The following CHCHD3 variants were observed in gnomAD, a reference collection of about 807,000 sequenced individuals.
CHCHD3 encodes the protein MICOS complex subunit MIC19.
A neutral mutation model predicts 38.2 loss-of-function variants in CHCHD3; 20 were observed. The ratio of observed to expected loss-of-function variants is 0.52; its 90% CI spans 0.37 to 0.76. The LOEUF (loss-of-function observed/expected upper bound fraction) is 0.76. Among genes scored for constraint, CHCHD3 ranks in the 30% least tolerant of loss-of-function variants. The pLI, the probability that CHCHD3 is intolerant of heterozygous loss-of-function variation, is 0.00. For synonymous variants in CHCHD3, 82 were observed against 100.0 expected, an observed-to-expected ratio of 0.82 and a Z score of 1.07; for missense variants, 245 against 279.2, an observed-to-expected ratio of 0.88 and a Z score of 0.87.
rs567202625 is a variant in CHCHD3 at position 133,065,975 on chromosome 7, T to C, written c.169+4167A>G. Among the ~76,000 whole-genome samples the C allele has an allele frequency of 6.5e-4, 99 of 152,264 alleles. 1 individual carries two copies. The South Asian group carries it at 0.02, about 31-fold the overall frequency. ...GCCTTGTTGAGTCTTTTTCACATCA[T>C]GGTGCAGATAGAAAATAAAAAGCAC... On this transcript the variant is annotated intron_variant, in intron 2 of 7. Transcript: ENST00000262570.
intron 4 of CHCHD3, among the ~76,000 whole-genome samples, chr7:132,888,078 A>C (rs1585606669): frequency 6.6e-6 from 1 of 151,840 alleles, no homozygotes; most frequent in African/African-American, 2.4e-5. Flanking sequence ...TATACCACTT[A>C]AAAAAGAAAA....
At chr7:132,882,201 T>C (rs1809076779) in intron 5 of CHCHD3, among the ~76,000 whole-genome samples, 1 of 151,918 alleles carries the variant, frequency 6.6e-6, no homozygotes. Context: ...GAACAGAGTA[T>C]ATCCCCATTT....
At chr7:133,016,868 C>T (rs1813046735) in intron 3 of CHCHD3, among the ~76,000 whole-genome samples, 2 of 152,188 alleles carry the variant, frequency 1.3e-5, no homozygotes. Context: ...AGGGCTAGGT[C>T]CAGCCTATGT....
chr7:132,897,098 T>C (rs1431087888), intron 4 of CHCHD3, among the ~76,000 whole-genome samples: 1 of 152,222 alleles, frequency 6.6e-6, no homozygotes. Context: ...TTGAGTTACA[T>C]AACTTAAGGT....
chr7:132,860,919 C>T (rs1023979495), intron 5 of CHCHD3, among the ~76,000 whole-genome samples: 4 of 152,156 alleles, frequency 2.6e-5, no homozygotes, highest in East Asian at 1.9e-4. Context: ...CCACCACTCC[C>T]GGCCCAGACT....
chr7:132,970,410 G>A (rs901673322), intron 4 of CHCHD3, among the ~76,000 whole-genome samples: 2 of 152,132 alleles, frequency 1.3e-5, no homozygotes, highest in Non-Finnish European at 2.9e-5. Flanking sequence ...TGTTTGCTCA[G>A]CACTGGCATA....
chr7:133,022,920 A>C (rs1813233346), intron 3 of CHCHD3, among the ~76,000 whole-genome samples: 1 of 128,142 alleles, frequency 7.8e-6, no homozygotes, highest in African/African-American at 2.9e-5. Context: ...AGAGAAGGGA[A>C]GACCAAAAAA....
intron 3 of CHCHD3, among the ~76,000 whole-genome samples, chr7:133,023,947 T>C (rs1477172114): frequency 2.0e-5 from 3 of 152,188 alleles, no homozygotes; most frequent in Admixed American, 6.5e-5. Context: ...CTTTTAGCTG[T>C]TGTTAGTAGT....
At chr7:132,899,390 G>C (rs906558882) in intron 4 of CHCHD3, among the ~76,000 whole-genome samples, 3 of 152,186 alleles carry the variant, frequency 2.0e-5, no homozygotes, top group South Asian at 4.1e-4. Flanking sequence ...GCAGCAGCTC[G>C]ATGCTGTCAG....
intron 3 of CHCHD3, among the ~76,000 whole-genome samples, chr7:133,016,657 G>T (rs1459250993): frequency 6.6e-6 from 1 of 152,156 alleles, no homozygotes; most frequent in Non-Finnish European, 1.5e-5. Context: ...CAACTGTGTT[G>T]CCCACATTCC....
At chr7:132,791,670 T>C (rs1241672519) in intron 7 of CHCHD3, among the ~76,000 whole-genome samples, 1 of 152,174 alleles carries the variant, frequency 6.6e-6, no homozygotes, top group African/African-American at 2.4e-5. Context: ...GGAGATGAAA[T>C]TGTCCTTCAG....
chr7:133,002,395 C>T (rs1379866622), intron 3 of CHCHD3, among the ~76,000 whole-genome samples: 2 of 152,102 alleles, frequency 1.3e-5, no homozygotes, highest in Admixed American at 6.6e-5. Flanking sequence ...GCATTCAAAT[C>T]AGATCTCTCC....
intron 5 of CHCHD3, among the ~76,000 whole-genome samples, chr7:132,870,733 T>A (rs1808748245): frequency 6.6e-6 from 1 of 152,140 alleles, no homozygotes; most frequent in Non-Finnish European, 1.5e-5. Context: ...CACAAATCAA[T>A]TGCAGGAACC....
At chr7:132,900,609 C>T (rs946378628) in intron 4 of CHCHD3, among the ~76,000 whole-genome samples, 7 of 152,134 alleles carry the variant, frequency 4.6e-5, no homozygotes, top group Non-Finnish European at 8.8e-5. Flanking sequence ...GTGCTGGACT[C>T]AAAAGAATAA....
intron 2 of CHCHD3, among the ~76,000 whole-genome samples, chr7:133,068,571 G>A (rs568371575): frequency 4.3e-4 from 66 of 152,342 alleles, no homozygotes; most frequent in Non-Finnish European, 6.8e-4. Flanking sequence ...AAAAGATTGT[G>A]AGGACTTCTG....
At chr7:132,997,688 A>AAAAAAAAAAAAAC (rs1554399142) in intron 3 of CHCHD3, among the ~76,000 whole-genome samples, 1 of 147,622 alleles carries the variant, frequency 6.8e-6, no homozygotes, top group Non-Finnish European at 1.5e-5. Context: ...AAAAAAAAAA[A>AAAAAAAAAAAAAC]CAGCAAGAGA....
chr7:132,900,871 G>A (rs1446235065), intron 4 of CHCHD3, among the ~76,000 whole-genome samples: 2 of 152,044 alleles, frequency 1.3e-5, no homozygotes, highest in African/African-American at 4.8e-5. Context: ...GGCACCTGTG[G>A]TCCCAGCTAC....
chr7:132,974,079 GA>G, intron 4 of CHCHD3: 1 of 1,216,904 alleles, frequency 8.2e-7, no homozygotes, highest in African/African-American at 1.6e-5. Context: ...ACAAAAGGCA[GA>G]ACATTATTCA....
chr7:133,069,299 T>C (rs934578764), intron 2 of CHCHD3, among the ~76,000 whole-genome samples: 1 of 112,034 alleles, frequency 8.9e-6, no homozygotes, highest in African/African-American at 3.5e-5. Flanking sequence ...ACTTAATGAT[T>C]AGTAAGGGGC....
Sources: allele counts gnomAD v4.1 joint callset (sites outside exome capture counted in the v4.1 genomes callset), GRCh38; gene constraint gnomAD v4.1.1; transcripts MANE v1.5; gene names NCBI Gene and HGNC (gene_info 2026-07-23, HGNC 2026-07-21).